COL13A1: variants seen among roughly 807,000 people sequenced by gnomAD.
COL13A1 encodes the protein collagen alpha-1(XIII) chain.
Under a neutral mutation model 130.9 loss-of-function variants are expected in COL13A1, and 89 were observed. The observed-to-expected ratio is 0.68, with a 90% CI of 0.57 to 0.81. The LOEUF (loss-of-function observed/expected upper bound fraction) is 0.81, where lower values mean the gene tolerates loss of function less well. Ranked by LOEUF, COL13A1 falls within the 30% of genes least tolerant of loss-of-function variation. The probability of loss-of-function intolerance (pLI) is 0.00; values close to 1 mark genes in which losing one functional copy is unlikely to be tolerated. For missense variants in COL13A1, 879 were observed against 934.6 expected (o/e 0.94, Z 0.78); for synonymous variants, 402 against 341.6 (o/e 1.18, Z -1.95).
At chr10:69,891,070 T>C (rs2061124050) in intron 10 of COL13A1, among the ~76,000 whole-genome samples, 1 of 152,178 alleles carries the variant, frequency 6.6e-6, no homozygotes, top group Non-Finnish European at 1.5e-5. Context: ...ATCTAAAATG[T>C]GCTGGGCACT....
At chr10:69,928,816 A>G in intron 27 of COL13A1, 121 bp from the exon 28 acceptor site, 1 of 626,510 alleles carries the variant, frequency 1.6e-6, no homozygotes, top group Non-Finnish European at 2.7e-6. Flanking sequence ...CATCTCTATC[A>G]CTGGAGAAAG....
intron 16 of COL13A1, 30 bp from the exon 17 acceptor site, chr10:69,905,757 T>C: frequency 6.2e-7 from 1 of 1,612,168 alleles, no homozygotes; most frequent in Non-Finnish European, 8.5e-7. Flanking sequence ...TGGGAAAACC[T>C]CTTTAATGGC....
intron 13 of COL13A1, among the ~76,000 whole-genome samples, chr10:69,896,063 G>A (rs1026325402): frequency 1.3e-5 from 2 of 152,124 alleles, no homozygotes; most frequent in Admixed American, 6.6e-5. Context: ...TCAGATGATG[G>A]TGTTTCACAT....
chr10:69,903,464 C>T (rs1039330950), intron 15 of COL13A1, among the ~76,000 whole-genome samples: 8 of 152,116 alleles, frequency 5.3e-5, no homozygotes, highest in Non-Finnish European at 8.8e-5. Context: ...TCAAGCCCAG[C>T]GGCCGCCAAG....
chr10:69,840,741 G>A (rs575453557), intron 2 of COL13A1, among the ~76,000 whole-genome samples: 1 of 152,280 alleles, frequency 6.6e-6, no homozygotes, highest in East Asian at 1.9e-4. Context: ...AGAACAAAAT[G>A]AGGGGCCCTC....
chr10:69,875,105 G>C (rs775921436), intron 4 of COL13A1, 23 bp from the exon 5 acceptor site: 2 of 1,613,982 alleles, frequency 1.2e-6, no homozygotes, highest in Admixed American at 1.7e-5. Flanking sequence ...ACATCTGACT[G>C]TTTCTGCCTC....
intron 2 of COL13A1, among the ~76,000 whole-genome samples, chr10:69,837,008 G>C (rs1385996835): frequency 2.0e-5 from 3 of 152,170 alleles, no homozygotes; most frequent in African/African-American, 4.8e-5. Flanking sequence ...GCAGGTACTG[G>C]GCAGCTGTGC....
chr10:69,944,256 C>A, intron 36 of COL13A1, 78 bp downstream of exon 36: 2 of 1,207,674 alleles, frequency 1.7e-6, no homozygotes, highest in Non-Finnish European at 2.4e-6. Flanking sequence ...GGGTCTCAGC[C>A]CTCATGCCTT....
At chr10:69,949,810 T>C (rs1056143473) in intron 38 of COL13A1, among the ~76,000 whole-genome samples, 3 of 151,042 alleles carry the variant, frequency 2.0e-5, no homozygotes, top group Non-Finnish European at 4.4e-5. Context: ...TCAGGAAAAT[T>C]GGATGTTACT....
At chr10:69,931,313 C>T in intron 30 of COL13A1, 1 of 432,000 alleles carries the variant, frequency 2.3e-6, no homozygotes, top group Non-Finnish European at 4.7e-6. Context: ...GATGAGGGTC[C>T]TCCTGGGGGC....
chr10:69,926,090 G>A, intron 26 of COL13A1: 1 of 549,942 alleles, frequency 1.8e-6, no homozygotes, highest in Non-Finnish European at 3.2e-6. Context: ...AGGTGGCCGG[G>A]GCTCTCTGTC....
At chr10:69,897,397 G>A (rs1261720270) in intron 13 of COL13A1, 1 of 1,454,726 alleles carries the variant, frequency 6.9e-7, no homozygotes, top group Non-Finnish European at 9.5e-7. Context: ...TGGGGAGCAG[G>A]GGAGCTGGTG....
intron 34 of COL13A1, among the ~76,000 whole-genome samples, chr10:69,940,621 A>T (rs1042030325): frequency 6.6e-6 from 1 of 152,096 alleles, no homozygotes; most frequent in African/African-American, 2.4e-5. Flanking sequence ...TGATTCCAAG[A>T]CATCTCTCTA....
chr10:69,850,745 G>A (rs1038448592), intron 2 of COL13A1, among the ~76,000 whole-genome samples: 2 of 70,562 alleles, frequency 2.8e-5, no homozygotes, highest in East Asian at 9.2e-4. Flanking sequence ...AGAAGGGAAA[G>A]GCAACAGACC....
chr10:69,950,537 A>T (rs563292152), intron 38 of COL13A1, among the ~76,000 whole-genome samples: 1 of 152,278 alleles, frequency 6.6e-6, no homozygotes, highest in South Asian at 2.1e-4. Flanking sequence ...CTCATGACCC[A>T]GAGAATGAGG....
At chr10:69,894,188 A>C (rs1423719607) in intron 10 of COL13A1, among the ~76,000 whole-genome samples, 3 of 152,136 alleles carry the variant, frequency 2.0e-5, no homozygotes, top group Admixed American at 6.6e-5. Flanking sequence ...GGGAGGCAGG[A>C]GGTGGAATGT....
At chr10:69,873,259 T>C (rs911689560) in intron 4 of COL13A1, among the ~76,000 whole-genome samples, 1 of 152,226 alleles carries the variant, frequency 6.6e-6, no homozygotes, top group African/African-American at 2.4e-5. Context: ...ACTGTAACCT[T>C]TGGACTAATC....
intron 15 of COL13A1, 28 bp from the exon 16 acceptor site, chr10:69,904,905 C>CTTTTTTTTTTTTTTTTTTTTTTT (rs60054259): frequency 1.1e-6 from 1 of 937,884 alleles, no homozygotes; most frequent in Non-Finnish European, 1.4e-6. Context: ...TTTCTTTTTT[C>CTTTTTTTTTTTTTTTTTTTTTTT]TTTTTTTTTT....
chr10:69,945,816 T>C (rs924649941), intron 37 of COL13A1, 92 bp downstream of exon 37: 33 of 1,495,776 alleles, frequency 2.2e-5, no homozygotes, highest in Non-Finnish European at 2.9e-5. Context: ...CTCACACCTG[T>C]AATCCCAGCA....
Sources: gnomAD v4.1 joint callset for allele counts (sites outside exome capture counted in the v4.1 genomes callset) on GRCh38, gnomAD v4.1.1 for gene constraint, MANE v1.5 for transcripts, NCBI Gene and HGNC (gene_info 2026-07-23, HGNC 2026-07-21) for gene names.